Variants in ATRX observed in about 807,000 individuals in gnomAD.
The protein encoded by ATRX is chromatin remodeler ATRX.
ATRX carries 12 observed loss-of-function variants against 172.6 expected under a neutral mutation model. The observed-to-expected ratio is 0.07, with a 90% confidence interval of 0.04 to 0.11. The LOEUF (loss-of-function observed/expected upper bound fraction) is 0.11, where lower values mean the gene tolerates loss of function less well. Among genes scored for constraint, ATRX ranks in the 10% least tolerant of loss-of-function variants. The pLI is 1.00. For synonymous variants in ATRX, 674 were observed against 594.7 expected (o/e 1.13, Z -1.94); for missense variants, 1,368 against 1,767.4 (o/e 0.77, Z 4.05).
intron 1 of ATRX, among the ~76,000 whole-genome samples, chrX:77,734,261 A>ATACATACG (rs2074437961): frequency 9.3e-6 from 1 of 107,457 alleles, no homozygotes; most frequent in South Asian, 4.1e-4. Flanking sequence ...ACATACATAC[A>ATACATACG]AAAATTAGTT....
At chrX:77,686,848 T>C (rs1335002222) in intron 7 of ATRX, among the ~76,000 whole-genome samples, 1 of 110,473 alleles carries the variant, frequency 9.1e-6, no homozygotes, top group African/African-American at 3.3e-5. Context: ...ATTCCTTATT[T>C]AAAAGTGTAT....
In ATRX at chrX:77,544,417, CTTTT is replaced by C. The variant is rs782007589; in HGVS notation, c.6699+13030_6699+13033del. Among the ~76,000 whole-genome samples the C allele has an allele frequency of 1.4e-4, 15 of 110,043 alleles. 1 individual carries two copies. The highest frequency in any genetic ancestry group is 1.2e-3 in the Admixed American group (12 of 10,315). On this transcript the variant is annotated intron_variant, in intron 30 of 34. Coordinates refer to ENST00000373344, the MANE Select transcript of ATRX (RefSeq NM_000489.6). ...GCTCTATAATCTAGCTTTTCTTTTT[CTTTT>C]TTTTTATTATTATACTTTAAGTTTT...
chrX:77,711,436 T>A (rs963448298), intron 2 of ATRX, among the ~76,000 whole-genome samples: 3 of 112,384 alleles, frequency 2.7e-5, no homozygotes, highest in Non-Finnish European at 5.6e-5. Flanking sequence ...GCAGGTGATA[T>A]AACTGTCTAA....
chrX:77,692,224 C>G (rs1345205537), intron 6 of ATRX, among the ~76,000 whole-genome samples: 1 of 111,519 alleles, frequency 9.0e-6, no homozygotes, highest in African/African-American at 3.3e-5. Context: ...AACCTATGAT[C>G]AGAGGAAAGA....
At chrX:77,509,816 G>C (rs2147660327) in intron 34 of ATRX, among the ~76,000 whole-genome samples, 1 of 107,305 alleles carries the variant, frequency 9.3e-6, no homozygotes, top group African/African-American at 3.4e-5. Context: ...GTGGACTAAA[G>C]AGTTCTGGGG....
chrX:77,701,856 C>T (rs782362143), intron 2 of ATRX, among the ~76,000 whole-genome samples: 13 of 109,212 alleles, frequency 1.2e-4, no homozygotes, highest in African/African-American at 4.3e-4. Context: ...ACCCGAGGTC[C>T]GGAGTTCAAG....
intron 27 of ATRX, among the ~76,000 whole-genome samples, chrX:77,579,582 G>A (rs185428530): frequency 1.3e-3 from 143 of 112,112 alleles, no homozygotes; most frequent in Admixed American, 2.0e-3. Flanking sequence ...GAACTACAGC[G>A]TTACTGGCCT....
chrX:77,729,243 A>G (rs967332272), intron 1 of ATRX, among the ~76,000 whole-genome samples: 65 of 111,364 alleles, frequency 5.8e-4, no homozygotes, highest in African/African-American at 2.1e-3. Flanking sequence ...TTCAAATAAT[A>G]TGGAAAATAG....
At chrX:77,688,698 A>G in intron 7 of ATRX, 120 bp downstream of exon 7, 2 of 568,908 alleles carry the variant, frequency 3.5e-6, no homozygotes, top group Non-Finnish European at 6.0e-6. Flanking sequence ...CCACTATAGT[A>G]GAAGTCTTCC....
chrX:77,649,735 G>A (rs782615673), intron 15 of ATRX, among the ~76,000 whole-genome samples: 2 of 111,598 alleles, frequency 1.8e-5, no homozygotes, highest in African/African-American at 3.3e-5. Flanking sequence ...AGTTCTTCTC[G>A]TCTGCCACAA....
rs1557059596 is a variant in ATRX, at chrX:77,557,473, CTCT to C, written c.6674_6676del (p.Lys2225del). The C allele has an allele frequency of 2.5e-6, 3 of 1,210,251 alleles. No individual in the cohort carries two copies. Among genetic ancestry groups the C allele is most frequent in the East Asian group, 3.0e-5 (1 of 33,816 alleles). On this transcript the variant is annotated inframe_deletion, in exon 30 of 35. Transcript: ENST00000373344. ...TACCTTTGGCAGCATGGGAGTATCC[CTCT>C]TCTTCTTCTTTTCTGAATTAGGGTC...
chrX:77,619,055 T>C, intron 20 of ATRX, 74 bp from the exon 21 acceptor site: 3 of 747,518 alleles, frequency 4.0e-6, no homozygotes, highest in East Asian at 6.5e-5. Flanking sequence ...CCCAATGAAA[T>C]GCTCATGTCA....
In ATRX at chrX:77,717,217, T is replaced by C; in HGVS notation, c.47A>G (p.Gln16Arg). Reference sequence around the variant, plus strand: ...GTGTGCAAGGAAGTCATGAAGCTTCTGCACCAATGTATTCAACTTGCTTTC... The same window carrying C: ...GTGTGCAAGGAAGTCATGAAGCTTCCGCACCAATGTATTCAACTTGCTTTC... ...MSESKLNTLV[Q>R]KLHDFLAHSS... Residue 16 changes from glutamine (Q) to arginine (R), a missense_variant, in exon 2 of 35, where the codon CAG (glutamine) becomes CGG (arginine). Coordinates refer to ENST00000373344, the MANE Select transcript of ATRX (RefSeq NM_000489.6). The C allele has an allele frequency of 8.3e-7, 1 of 1,209,687 alleles. No individual in the cohort carries two copies. Among genetic ancestry groups the C allele is most frequent in the Non-Finnish European group, 1.1e-6 (1 of 893,586 alleles).
At chrX:77,651,950 A>G (rs2069265541) in intron 15 of ATRX, 164 bp downstream of exon 15, 4 of 471,876 alleles carry the variant, frequency 8.5e-6, no homozygotes. Flanking sequence ...AATCATTAAT[A>G]GAAATAAATT....
At chrX:77,670,362 A>G (rs1569537430) in intron 10 of ATRX, among the ~76,000 whole-genome samples, 1 of 112,327 alleles carries the variant, frequency 8.9e-6, no homozygotes, top group Non-Finnish European at 1.9e-5. Flanking sequence ...GATATATAAA[A>G]TAATTCAAAG....
chrX:77,655,942 T>C (rs1432495484), intron 13 of ATRX, among the ~76,000 whole-genome samples: 1 of 111,104 alleles, frequency 9.0e-6, no homozygotes, highest in Non-Finnish European at 1.9e-5. Context: ...AAGAAAATTG[T>C]AGTAGTAGTA....
intron 34 of ATRX, among the ~76,000 whole-genome samples, chrX:77,516,169 C>G (rs1022248314): frequency 2.7e-5 from 3 of 111,150 alleles, no homozygotes; most frequent in Non-Finnish European, 5.7e-5. Context: ...TACAACAAAC[C>G]CGTGACACAG....
At chrX:77,726,461 C>T (rs1312997265) in intron 1 of ATRX, among the ~76,000 whole-genome samples, 1 of 75,569 alleles carries the variant, frequency 1.3e-5, no homozygotes, top group Non-Finnish European at 2.3e-5. Context: ...CATCACACAC[C>T]GGGGCCTGTC....
intron 31 of ATRX, among the ~76,000 whole-genome samples, chrX:77,522,681 A>C (rs961683819): frequency 7.2e-5 from 8 of 111,699 alleles, no homozygotes; most frequent in African/African-American, 2.6e-4. Context: ...TTGGTACAAT[A>C]AGTTAGGAGT....
Sources: gnomAD v4.1 joint callset for allele counts (sites outside exome capture counted in the v4.1 genomes callset) on GRCh38, gnomAD v4.1.1 for gene constraint, MANE v1.5 for transcripts, NCBI Gene and HGNC (gene_info 2026-07-23, HGNC 2026-07-21) for gene names.